The following SGK3 variants were observed in gnomAD, a reference collection of about 807,000 sequenced individuals.
The protein encoded by SGK3 is serum/glucocorticoid regulated kinase family member 3.
A neutral mutation model predicts 68.5 loss-of-function variants in SGK3; 47 were observed. That is an observed-to-expected ratio of 0.69 (90% CI 0.54 to 0.87). The LOEUF (loss-of-function observed/expected upper bound fraction) is 0.87. Among genes scored for constraint, SGK3 ranks in the 40% least tolerant of loss-of-function variants. SGK3 has a pLI of 0.00. For missense variants in SGK3, 479 were observed against 575.5 expected (o/e 0.83, Z 1.72); for synonymous variants, 181 against 189.1 (o/e 0.96, Z 0.35).
At chr8:66,775,108 G>A (rs1488605221) in intron 1 of SGK3, 1 of 152,450 alleles carries the variant, frequency 6.6e-6, no homozygotes, top group African/African-American at 2.4e-5. Context: ...AGAGCTCCGA[G>A]GGCGGGGCTG....
At chr8:66,797,554 A>G (rs1296250968) in intron 2 of SGK3, among the ~76,000 whole-genome samples, 5 of 152,182 alleles carry the variant, frequency 3.3e-5, no homozygotes, top group Admixed American at 2.6e-4. Flanking sequence ...TGTTCTGCTT[A>G]CTTCATAGGG....
At chr8:66,829,042 A>G (rs1468359958) in intron 7 of SGK3, among the ~76,000 whole-genome samples, 1 of 151,572 alleles carries the variant, frequency 6.6e-6, no homozygotes, top group Non-Finnish European at 1.5e-5. Flanking sequence ...CACAAGTCCT[A>G]TGAGGTCCTC....
At chr8:66,764,909 G>A (rs957995085) in intron 1 of SGK3, among the ~76,000 whole-genome samples, 8 of 152,156 alleles carry the variant, frequency 5.3e-5, no homozygotes, top group Admixed American at 2.0e-4. Flanking sequence ...TTTTATGGCC[G>A]GGTAATATTC....
chr8:66,732,169 CAT>C (rs1332093868), intron 1 of SGK3, among the ~76,000 whole-genome samples: 1 of 151,956 alleles, frequency 6.6e-6, no homozygotes, highest in Non-Finnish European at 1.5e-5. Flanking sequence ...ATGAAATAGA[CAT>C]GTCAAAATTT....
At chr8:66,719,146 C>A (rs1271607505) in intron 1 of SGK3, among the ~76,000 whole-genome samples, 1 of 152,082 alleles carries the variant, frequency 6.6e-6, no homozygotes, top group Non-Finnish European at 1.5e-5. Context: ...AAAAATACAT[C>A]CTCTCCACTC....
At chr8:66,734,228 C>CTTTTTTTTTTTTTTTTTTTTT (rs529741200) in intron 1 of SGK3, among the ~76,000 whole-genome samples, 4 of 104,226 alleles carry the variant, frequency 3.8e-5, no homozygotes, top group South Asian at 3.3e-4. Flanking sequence ...CTTTTTCTTT[C>CTTTTTTTTTTTTTTTTTTTTT]TTTTTTTTTT....
At chr8:66,839,541 A>ATGTG (rs1809701970) in intron 10 of SGK3, among the ~76,000 whole-genome samples, 1 of 71,540 alleles carries the variant, frequency 1.4e-5, no homozygotes, top group Admixed American at 1.4e-4. Context: ...ATATATATAT[A>ATGTG]TATATATATA....
intron 1 of SGK3, among the ~76,000 whole-genome samples, chr8:66,719,363 A>T (rs545486824): frequency 6.6e-6 from 1 of 151,692 alleles, no homozygotes; most frequent in Non-Finnish European, 1.5e-5. Context: ...GTTTTAGTCT[A>T]TCTCCCAGGC....
In SGK3 at chr8:66,859,289, C is replaced by T. The variant is rs535529648; in HGVS notation, c.1321-122C>T. The T allele has an allele frequency of 2.6e-4, 317 of 1,214,824 alleles. No homozygotes were observed. In the African/African-American group the frequency reaches 3.7e-3, roughly 14 times the overall value. The allele number at this position is 1,214,824 out of a possible 1,614,324, so 75.3% of individuals were successfully genotyped here. On this transcript the variant is annotated intron_variant, in intron 16 of 16. Coordinates refer to ENST00000521198, the MANE Select transcript of SGK3 (RefSeq NM_001033578.3). ...CGGAGGTTGCAGTGAGCCAAGATCGCGCCACTGGCATGCCAGCCCAGGTGG... is the reference window on the plus strand; with the variant it reads ...CGGAGGTTGCAGTGAGCCAAGATCGTGCCACTGGCATGCCAGCCCAGGTGG...
chr8:66,839,629 A>C (rs1809715813), intron 10 of SGK3, among the ~76,000 whole-genome samples: 1 of 145,156 alleles, frequency 6.9e-6, no homozygotes, highest in African/African-American at 2.5e-5. Flanking sequence ...TTTTTTTCAA[A>C]TGGAAAACAT....
At chr8:66,814,189 C>T (rs1350395619) in intron 5 of SGK3, among the ~76,000 whole-genome samples, 1 of 151,986 alleles carries the variant, frequency 6.6e-6, no homozygotes, top group East Asian at 1.9e-4. Context: ...AAGCATCTTG[C>T]TAATTATTTG....
intron 1 of SGK3, among the ~76,000 whole-genome samples, chr8:66,729,491 T>G (rs1340338432): frequency 1.3e-5 from 2 of 152,082 alleles, no homozygotes; most frequent in African/African-American, 4.8e-5. Flanking sequence ...AATCCTGTTG[T>G]ATGAATATAC....
intron 1 of SGK3, among the ~76,000 whole-genome samples, chr8:66,731,340 G>A (rs561829502): frequency 6.6e-6 from 1 of 152,194 alleles, no homozygotes; most frequent in Admixed American, 6.5e-5. Context: ...TTGATCTTCT[G>A]TCTAGTTATT....
At chr8:66,829,398 T>G (rs1322971848) in intron 7 of SGK3, among the ~76,000 whole-genome samples, 1 of 152,160 alleles carries the variant, frequency 6.6e-6, no homozygotes, top group Non-Finnish European at 1.5e-5. Context: ...ATGGGAGAAG[T>G]GGTCCAAGGA....
chr8:66,779,593 TATATATATA>T (rs1476213095), intron 1 of SGK3, among the ~76,000 whole-genome samples: 2 of 125,634 alleles, frequency 1.6e-5, no homozygotes, highest in South Asian at 2.5e-4. Context: ...TATATATATA[TATATATATA>T]AAACACATTT....
chr8:66,783,493 T>G (rs1312779960), intron 1 of SGK3, among the ~76,000 whole-genome samples: 4 of 152,002 alleles, frequency 2.6e-5, no homozygotes, highest in African/African-American at 9.7e-5. Flanking sequence ...GTCATCTAAT[T>G]TTTGTGTGTG....
rs77878073 is a variant in SGK3 at position 66,720,165 on chromosome 8, G to T, written c.-122+7332G>T. Among the ~76,000 whole-genome samples, 990 of 152,268 alleles carry T rather than the reference G, an allele frequency of 6.5e-3. 14 individuals carry two copies. The highest frequency in any genetic ancestry group is 0.023 in the African/African-American group (942 of 41,542). On this transcript the variant is annotated intron_variant, in intron 1 of 16. Transcript: ENST00000521198. ...AAATCCATCCAAATTAACATAAAGC[G>T]CATGTTCTTCTAATGAGAGTCCGTC...
intron 7 of SGK3, 149 bp from the exon 8 acceptor site, chr8:66,831,105 A>G (rs766301787): frequency 1.3e-6 from 1 of 791,166 alleles, no homozygotes; most frequent in Non-Finnish European, 2.0e-6. Context: ...TGCATGAAAG[A>G]TGAAGTACTC....
chr8:66,827,670 T>C (rs1326415896), intron 6 of SGK3, among the ~76,000 whole-genome samples: 2 of 152,170 alleles, frequency 1.3e-5, no homozygotes, highest in African/African-American at 4.8e-5. Flanking sequence ...TTAGAGCTAA[T>C]TATTAATGAA....
Sources: allele counts gnomAD v4.1 joint callset (sites outside exome capture counted in the v4.1 genomes callset), GRCh38; gene constraint gnomAD v4.1.1; transcripts MANE v1.5; gene names NCBI Gene and HGNC (gene_info 2026-07-23, HGNC 2026-07-21).